ANKRD31: variants seen among roughly 807,000 people sequenced by gnomAD.
The protein encoded by ANKRD31 is ankyrin repeat domain-containing protein 31.
In ANKRD31, 147 loss-of-function variants were observed where a neutral mutation model predicts 186.0. The ratio of observed to expected loss-of-function variants is 0.79; its 90% CI spans 0.69 to 0.91. The LOEUF (loss-of-function observed/expected upper bound fraction) is 0.91. ANKRD31 is among the 40% of genes least tolerant of loss of function. The pLI is 0.00. For missense variants in ANKRD31, 1,986 were observed against 2,148.8 expected (o/e 0.92, Z 1.50); for synonymous variants, 673 against 736.4 (o/e 0.91, Z 1.39).
chr5:75,208,311 T>C (rs569946507), intron 4 of ANKRD31, among the ~76,000 whole-genome samples: 2 of 152,160 alleles, frequency 1.3e-5, no homozygotes, highest in Admixed American at 1.3e-4. Context: ...CAGAAAATAA[T>C]ACCCCAAAAT....
intron 25 of ANKRD31, among the ~76,000 whole-genome samples, chr5:75,071,753 C>T (rs187613887): frequency 6.6e-6 from 1 of 152,226 alleles, no homozygotes; most frequent in African/African-American, 2.4e-5. Context: ...CCACCTCGGC[C>T]TCCCAAAGTG....
At chr5:75,096,695 G>A (rs959537176) in intron 22 of ANKRD31, among the ~76,000 whole-genome samples, 1 of 151,878 alleles carries the variant, frequency 6.6e-6, no homozygotes, top group African/African-American at 2.4e-5. Flanking sequence ...TTAAGTTCTA[G>A]GGTACCTGTG....
At chr5:75,108,046 G>C (rs564736802) in intron 20 of ANKRD31, among the ~76,000 whole-genome samples, 2 of 151,994 alleles carry the variant, frequency 1.3e-5, no homozygotes, top group African/African-American at 4.8e-5. Flanking sequence ...TGAAAAGTAA[G>C]AGTATCCCTA....
At chr5:75,079,253 G>C (rs1214481290) in intron 25 of ANKRD31, among the ~76,000 whole-genome samples, 1 of 152,172 alleles carries the variant, frequency 6.6e-6, no homozygotes, top group Non-Finnish European at 1.5e-5. Flanking sequence ...GGATTTTCTT[G>C]ATACCATGTA....
At chr5:75,189,078 T>A (rs1754928684) in intron 9 of ANKRD31, among the ~76,000 whole-genome samples, 1 of 152,230 alleles carries the variant, frequency 6.6e-6, no homozygotes, top group East Asian at 1.9e-4. Context: ...GGAGAAAATC[T>A]CAGAGGCATA....
chr5:75,096,659 T>A (rs185805616), intron 22 of ANKRD31, among the ~76,000 whole-genome samples: 41 of 151,094 alleles, frequency 2.7e-4, no homozygotes, highest in Non-Finnish European at 4.4e-4. Flanking sequence ...AATCCACCTT[T>A]AAAAAAATTT....
intron 2 of ANKRD31, among the ~76,000 whole-genome samples, chr5:75,228,854 G>A (rs1757787617): frequency 6.6e-6 from 1 of 152,120 alleles, no homozygotes; most frequent in Non-Finnish European, 1.5e-5. Flanking sequence ...AGGCATCCTG[G>A]AGATCAATAT....
chr5:75,139,360 G>T (rs1421539068), intron 15 of ANKRD31, among the ~76,000 whole-genome samples: 1 of 152,120 alleles, frequency 6.6e-6, no homozygotes, highest in Non-Finnish European at 1.5e-5. Context: ...ATCTCAATGG[G>T]TGTATTCCTG....
chr5:75,086,377 T>C (rs77560249), intron 23 of ANKRD31, among the ~76,000 whole-genome samples: 1,543 of 152,340 alleles, frequency 0.01, 24 homozygotes, highest in African/African-American at 0.035. Flanking sequence ...AAAATGTGCA[T>C]TTCATATTAA....
chr5:75,202,337 AC>A (rs1755873283), intron 5 of ANKRD31, among the ~76,000 whole-genome samples: 3 of 152,232 alleles, frequency 2.0e-5, no homozygotes, highest in African/African-American at 7.2e-5. Context: ...TATATTAAAA[AC>A]CAACACATTT....
intron 10 of ANKRD31, among the ~76,000 whole-genome samples, chr5:75,184,473 G>T (rs542780406): frequency 2.6e-5 from 4 of 152,102 alleles, no homozygotes; most frequent in Admixed American, 6.5e-5. Context: ...TAGAATGGGA[G>T]AAAATATTTG....
At chr5:75,231,950 A>C (rs1011593258) in intron 1 of ANKRD31, among the ~76,000 whole-genome samples, 2 of 115,980 alleles carry the variant, frequency 1.7e-5, no homozygotes, top group East Asian at 2.5e-4. Context: ...CACACACACA[A>C]CTTTCTAATA....
chr5:75,086,764 T>G (rs1225074973), intron 23 of ANKRD31, among the ~76,000 whole-genome samples: 1 of 152,234 alleles, frequency 6.6e-6, no homozygotes, highest in South Asian at 2.1e-4. Flanking sequence ...CCACTGATGC[T>G]TTCCCTGAAG....
At chr5:75,069,751 G>A (rs1744068144) in intron 25 of ANKRD31, among the ~76,000 whole-genome samples, 1 of 152,024 alleles carries the variant, frequency 6.6e-6, no homozygotes, top group Non-Finnish European at 1.5e-5. Context: ...TCGCCATGTT[G>A]GTCAGGCTGG....
At chr5:75,209,661 A>T (rs559232577) in intron 4 of ANKRD31, among the ~76,000 whole-genome samples, 23 of 152,330 alleles carry the variant, frequency 1.5e-4, no homozygotes, top group African/African-American at 5.3e-4. Flanking sequence ...TGGGTGACAG[A>T]CTGAGACTAT....
At chr5:75,197,390 C>A (rs1037419671) in intron 6 of ANKRD31, among the ~76,000 whole-genome samples, 1 of 152,084 alleles carries the variant, frequency 6.6e-6, no homozygotes, top group Admixed American at 6.6e-5. Flanking sequence ...TTCCAAAAAT[C>A]AAATCCACCA....
At chr5:75,084,876 A>AT (rs372796155) in intron 23 of ANKRD31, among the ~76,000 whole-genome samples, 2 of 151,938 alleles carry the variant, frequency 1.3e-5, no homozygotes, top group African/African-American at 4.8e-5. Flanking sequence ...CTAGACATCC[A>AT]TTTTTTTTGG....
chr5:75,145,134 T>C (rs367810819), intron 14 of ANKRD31, among the ~76,000 whole-genome samples: 57 of 152,130 alleles, frequency 3.7e-4, no homozygotes, highest in African/African-American at 8.7e-4. Context: ...TTTTACACTG[T>C]TGGTGGGAGT....
chr5:75,089,117 C>T (rs543106312), intron 23 of ANKRD31, among the ~76,000 whole-genome samples: 1 of 152,174 alleles, frequency 6.6e-6, no homozygotes, highest in East Asian at 1.9e-4. Flanking sequence ...CCAATGTGAT[C>T]GAAAACCATT....
Sources: allele counts gnomAD v4.1 joint callset (sites outside exome capture counted in the v4.1 genomes callset), GRCh38; gene constraint gnomAD v4.1.1; transcripts MANE v1.5; gene names NCBI Gene and HGNC (gene_info 2026-07-23, HGNC 2026-07-21).